The following RIMS1 variants were observed in gnomAD, a reference collection of about 807,000 sequenced individuals.
RIMS1 encodes regulating synaptic membrane exocytosis 1, also known as regulating synaptic membrane exocytosis protein 1.
A neutral mutation model predicts 214.1 loss-of-function variants in RIMS1; 83 were observed. That is an observed-to-expected ratio of 0.39 (90% CI 0.32 to 0.47). The LOEUF (loss-of-function observed/expected upper bound fraction) is 0.47. Ranked by LOEUF, RIMS1 falls within the 20% of genes least tolerant of loss-of-function variation. The pLI, the probability that RIMS1 is intolerant of heterozygous loss-of-function variation, is 0.99. For synonymous variants in RIMS1, 793 were observed against 786.8 expected (o/e 1.01, Z -0.13); for missense variants, 2,050 against 2,161.8 (o/e 0.95, Z 1.03).
intron 27 of RIMS1, among the ~76,000 whole-genome samples, chr6:72,311,760 C>T (rs1243949184): frequency 2.0e-5 from 3 of 152,064 alleles, no homozygotes; most frequent in African/African-American, 7.2e-5. Flanking sequence ...TGTCTGAGGT[C>T]AGGAGTTTAA....
intron 1 of RIMS1, among the ~76,000 whole-genome samples, chr6:71,946,964 A>G (rs933322666): frequency 6.6e-6 from 1 of 152,132 alleles, no homozygotes; most frequent in Admixed American, 6.6e-5. Context: ...TAACCTGATT[A>G]AAAAATGGAC....
intron 29 of RIMS1, among the ~76,000 whole-genome samples, chr6:72,343,911 A>G (rs188086078): frequency 4.7e-4 from 72 of 151,866 alleles, no homozygotes; most frequent in Admixed American, 1.5e-3. Flanking sequence ...ATATATAGAA[A>G]CTATCAAAAT....
At chr6:72,280,642 A>G (rs1377828821) in intron 23 of RIMS1, among the ~76,000 whole-genome samples, 1 of 151,976 alleles carries the variant, frequency 6.6e-6, no homozygotes, top group Non-Finnish European at 1.5e-5. Context: ...TTTCATTGCT[A>G]TTTGAAGAGA....
intron 1 of RIMS1, among the ~76,000 whole-genome samples, chr6:71,917,050 C>G (rs941252805): frequency 6.6e-6 from 1 of 152,116 alleles, no homozygotes; most frequent in Non-Finnish European, 1.5e-5. Flanking sequence ...ATTCTGCTGC[C>G]TACTGTGTGA....
rs1333234112 is a variant in RIMS1, at chr6:71,974,987, C to G, written c.245+5924C>G. The stretch of plus-strand genomic sequence containing the variant: ...ATGGGTGCACCAGGTTCTCACAAAT[C>G]TCCACCTAAAGAACTTACTCATGTA... On this transcript the variant is annotated intron_variant, in intron 2 of 33. Coordinates refer to ENST00000521978, the MANE Select transcript of RIMS1 (RefSeq NM_014989.7). Among the ~76,000 whole-genome samples the G allele has an allele frequency of 2.0e-5, 3 of 152,062 alleles. 1 individual carries two copies. Among genetic ancestry groups the G allele is most frequent in the African/African-American group, 4.8e-5 (2 of 41,398 alleles).
intron 6 of RIMS1, among the ~76,000 whole-genome samples, chr6:72,194,168 C>T (rs535889831): frequency 2.0e-5 from 3 of 152,124 alleles, no homozygotes; most frequent in Non-Finnish European, 2.9e-5. Context: ...CATAACCATC[C>T]AAAGCAATAT....
At chr6:72,175,309 ATATT>A (rs2047547287) in intron 4 of RIMS1, 2 of 280,382 alleles carry the variant, frequency 7.1e-6, no homozygotes, top group South Asian at 6.5e-5. Context: ...CTTCATGCTT[ATATT>A]TATTCTTTAT....
chr6:72,398,175 G>C (rs147383900), intron 31 of RIMS1, 74 bp from the exon 32 acceptor site: 2 of 852,324 alleles, frequency 2.3e-6, no homozygotes, highest in Non-Finnish European at 3.9e-6. Context: ...AGTCTGTTAC[G>C]GGCTCTCCTT....
intron 1 of RIMS1, among the ~76,000 whole-genome samples, chr6:71,894,846 A>G (rs938553105): frequency 1.3e-5 from 2 of 152,230 alleles, no homozygotes; most frequent in African/African-American, 4.8e-5. Context: ...TAATCAATGC[A>G]CTTAATTATA....
rs192610949 is a variant in RIMS1, at chr6:72,122,020, A to T, written c.471+22034A>T. 3.8e-3 allele frequency among the ~76,000 whole-genome samples: 578 copies of T among 151,870 alleles called. 12 individuals are homozygous for T. Among genetic ancestry groups the T allele is most frequent in the Non-Finnish European group, 4.6e-3 (314 of 67,832 alleles). ...GATGAAGCCAACTTGATCGTGGTGGATAAGCTTTTTGATGTGCTGCTGGAT... is the reference window on the plus strand; with the variant it reads ...GATGAAGCCAACTTGATCGTGGTGGTTAAGCTTTTTGATGTGCTGCTGGAT... On this transcript the variant is annotated intron_variant, in intron 4 of 33. Coordinates refer to ENST00000521978, the MANE Select transcript of RIMS1 (RefSeq NM_014989.7).
intron 6 of RIMS1, among the ~76,000 whole-genome samples, chr6:72,217,511 A>G (rs2056694272): frequency 6.6e-6 from 1 of 152,208 alleles, no homozygotes; most frequent in Non-Finnish European, 1.5e-5. Flanking sequence ...AACTTGAGAT[A>G]TATAGATAAT....
chr6:72,262,073 C>G, intron 19 of RIMS1: 1 of 984,186 alleles, frequency 1.0e-6, no homozygotes, highest in Non-Finnish European at 1.2e-6. Context: ...AAAACAAACA[C>G]AAAAAAAATC....
At chr6:72,303,007 AT>A (rs2094786016) in intron 26 of RIMS1, among the ~76,000 whole-genome samples, 2 of 150,976 alleles carry the variant, frequency 1.3e-5, no homozygotes, top group Non-Finnish European at 3.0e-5. Context: ...AATGTGAAAG[AT>A]TTAAGGAATT....
At chr6:71,979,227 G>A (rs1286662883) in intron 2 of RIMS1, among the ~76,000 whole-genome samples, 1 of 152,042 alleles carries the variant, frequency 6.6e-6, no homozygotes, top group Non-Finnish European at 1.5e-5. Context: ...GTATGTGTAT[G>A]TGTATGTAAC....
At chr6:72,397,008 GTCTCAAATAAA>G (rs2098787004) in intron 31 of RIMS1, among the ~76,000 whole-genome samples, 1 of 151,632 alleles carries the variant, frequency 6.6e-6, no homozygotes, top group African/African-American at 2.4e-5. Context: ...GCAAGCCTCT[GTCTCAAATAAA>G]TAAATAAATA....
chr6:72,262,619 G>C (rs1422823417), intron 19 of RIMS1: 1 of 929,222 alleles, frequency 1.1e-6, no homozygotes, highest in Non-Finnish European at 1.3e-6. Flanking sequence ...AATCTCTTCT[G>C]TGTTTATATT....
intron 6 of RIMS1, among the ~76,000 whole-genome samples, chr6:72,225,713 C>G (rs950144210): frequency 6.6e-6 from 1 of 152,154 alleles, no homozygotes; most frequent in Non-Finnish European, 1.5e-5. Context: ...GAATGGAATA[C>G]TCAGTGTCAA....
intron 29 of RIMS1, among the ~76,000 whole-genome samples, chr6:72,374,117 G>C (rs1050813691): frequency 1.3e-5 from 2 of 152,094 alleles, no homozygotes; most frequent in Non-Finnish European, 2.9e-5. Context: ...GTTTCAGCGT[G>C]TTGGCCAGGA....
intron 4 of RIMS1, among the ~76,000 whole-genome samples, chr6:72,127,814 C>T (rs1415575321): frequency 1.3e-5 from 2 of 152,164 alleles, no homozygotes; most frequent in Non-Finnish European, 2.9e-5. Context: ...ATATGTGATG[C>T]CTATCACAGG....
Sources: allele counts gnomAD v4.1 joint callset (sites outside exome capture counted in the v4.1 genomes callset), GRCh38; gene constraint gnomAD v4.1.1; transcripts MANE v1.5; gene names NCBI Gene and HGNC (gene_info 2026-07-23, HGNC 2026-07-21).